PRKN: variants seen among roughly 807,000 people sequenced by gnomAD.
PRKN encodes the protein E3 ubiquitin-protein ligase parkin.
PRKN carries 56 observed loss-of-function variants against 59.5 expected under a neutral mutation model. That is an observed-to-expected ratio of 0.94 (90% confidence interval 0.76 to 1.18). The LOEUF (loss-of-function observed/expected upper bound fraction) is 1.18, where lower values mean the gene tolerates loss of function less well. PRKN is among the 50% of genes most tolerant of loss of function. PRKN has a pLI of 0.00. For missense variants in PRKN, 657 were observed against 596.4 expected, an observed-to-expected ratio of 1.10 and a Z score of -1.06; for synonymous variants, 250 against 222.1, an observed-to-expected ratio of 1.13 and a Z score of -1.12.
In PRKN at chr6:162,235,930, G is replaced by C. The variant is rs796781539; in HGVS notation, c.412+26595C>G. On this transcript the variant is annotated intron_variant, in intron 3 of 11. Coordinates refer to ENST00000366898, the MANE Select transcript of PRKN (RefSeq NM_004562.3). Reference sequence around the variant, plus strand: ...GGAAGGAAGGAAGGAAGGAAGGAAGGAAGGAAGGAAGGAAGGAAGGAAGAA... The same window carrying C: ...GGAAGGAAGGAAGGAAGGAAGGAAGCAAGGAAGGAAGGAAGGAAGGAAGAA... 5.1e-3 allele frequency among the ~76,000 whole-genome samples: 389 copies of C among 76,912 alleles called. 10 individuals are homozygous for C. The highest frequency in any genetic ancestry group is 0.016 in the South Asian group (22 of 1,402). The allele number at this position is 76,912 out of a possible 152,430, so 50.5% of individuals were successfully genotyped here. A position where few individuals can be genotyped will look rare whatever the true frequency, so the allele number is the denominator to read the frequency against.
chr6:161,416,871 C>T (rs908744494), intron 9 of PRKN, among the ~76,000 whole-genome samples: 6 of 152,158 alleles, frequency 3.9e-5, no homozygotes, highest in African/African-American at 1.4e-4. Context: ...TCTAGACGTC[C>T]AGCAGATGCT....
At chr6:162,342,986 T>C (rs1199476135) in intron 2 of PRKN, among the ~76,000 whole-genome samples, 1 of 152,072 alleles carries the variant, frequency 6.6e-6, no homozygotes, top group East Asian at 1.9e-4. Context: ...AAAAAAAGTA[T>C]CCATGAAAGC....
chr6:162,359,914 C>T (rs541505963), intron 2 of PRKN, among the ~76,000 whole-genome samples: 20 of 152,140 alleles, frequency 1.3e-4, no homozygotes, highest in Admixed American at 6.6e-4. Context: ...CATTTTTATC[C>T]GAAAATCTTT....
intron 2 of PRKN, among the ~76,000 whole-genome samples, chr6:162,343,721 GC>G (rs753599068): frequency 1.3e-5 from 2 of 152,102 alleles, no homozygotes; most frequent in Non-Finnish European, 2.9e-5. Context: ...ATGTGTGCAA[GC>G]ATGCTCACAA....
chr6:161,352,772 T>TA lies in PRKN; in HGVS notation c.1286-2562_1286-2561insT, dbSNP rs71004042. On this transcript the variant is annotated intron_variant, in intron 11 of 11. Transcript: ENST00000366898. This position sits in a 1 kb window ranked among gnomAD's most constrained non-coding sequence, Gnocchi z 5.8. ...GTGTGTGTGTATATATATATATATA[T>TA]TTTATTTTATTTTATTTTATTTTTT... 1.2e-4 allele frequency among the ~76,000 whole-genome samples: 12 copies of TA among 100,384 alleles called. No individual in the cohort carries two copies. Among genetic ancestry groups the TA allele is most frequent in the African/African-American group, 4.0e-4 (10 of 24,978 alleles). 65.9% of individuals were successfully genotyped at this position (100,384 alleles called of 152,430 possible). A position where few individuals can be genotyped will look rare whatever the true frequency, so the allele number is the denominator to read the frequency against.
chr6:161,567,320 T>C (rs369569991), intron 8 of PRKN, among the ~76,000 whole-genome samples: 97 of 152,306 alleles, frequency 6.4e-4, no homozygotes, highest in African/African-American at 2.2e-3. Context: ...AGTGTTATCA[T>C]TACAGGTGTG....
At chr6:162,221,975 A>G (rs1312547709) in intron 3 of PRKN, among the ~76,000 whole-genome samples, 1 of 152,220 alleles carries the variant, frequency 6.6e-6, no homozygotes, top group Non-Finnish European at 1.5e-5. Context: ...ACTTTCTAAG[A>G]TGACGTACCA....
chr6:161,538,722 C>T lies in PRKN; in HGVS notation c.1083+10132G>A, dbSNP rs1368349933. On this transcript the variant is annotated intron_variant, in intron 9 of 11. Transcript: ENST00000366898. The surrounding 1 kb of genome is among the most constrained non-coding windows in gnomAD (Gnocchi z 4.2). ...ACATCTGTTGCAGATCCTTGGAGAC[C>T]AGTGCCCATGGGACTGGCTGGTCTT... Among the ~76,000 whole-genome samples the T allele has an allele frequency of 6.6e-6, 1 of 152,166 alleles. No individual in the cohort carries two copies. The highest frequency in any genetic ancestry group is 1.5e-5 in the Non-Finnish European group (1 of 68,036).
chr6:162,679,042 C>G (rs933850601), intron 1 of PRKN, among the ~76,000 whole-genome samples: 3 of 151,470 alleles, frequency 2.0e-5, no homozygotes, highest in African/African-American at 7.3e-5. Flanking sequence ...TCCCAAAGTG[C>G]GGGATTACAG....
At position 161,525,781 on chromosome 6, in the gene PRKN, A is replaced by G. The variant is rs558774414; in HGVS notation, c.1083+23073T>C. ...TAATCTGGAAATAGGTGTTCTAATTATAGATGCTAAAAATGTTCTGTATAC... is the reference window on the plus strand; with the variant it reads ...TAATCTGGAAATAGGTGTTCTAATTGTAGATGCTAAAAATGTTCTGTATAC... On this transcript the variant is annotated intron_variant, in intron 9 of 11. Coordinates refer to ENST00000366898, the MANE Select transcript of PRKN (RefSeq NM_004562.3). The surrounding 1 kb of genome is among the most constrained non-coding windows in gnomAD (Gnocchi z 4.7). Among the ~76,000 whole-genome samples the G allele has an allele frequency of 7.2e-5, 11 of 152,358 alleles. No homozygotes were observed. In the South Asian group the frequency reaches 1.4e-3, roughly 20 times the overall value.
At chr6:161,944,056 G>C (rs149268598) in intron 6 of PRKN, among the ~76,000 whole-genome samples, 20 of 117,394 alleles carry the variant, frequency 1.7e-4, no homozygotes, top group African/African-American at 4.6e-4. Flanking sequence ...CAGCCTGAGG[G>C]ATCAGCCTGA....
intron 5 of PRKN, among the ~76,000 whole-genome samples, chr6:162,021,603 A>T (rs919389748): frequency 3.3e-5 from 5 of 152,026 alleles, no homozygotes; most frequent in African/African-American, 1.2e-4. Flanking sequence ...CGAAGTTTCT[A>T]GGATATTACT....
At chr6:162,387,025 C>T (rs922732169) in intron 2 of PRKN, among the ~76,000 whole-genome samples, 2 of 151,880 alleles carry the variant, frequency 1.3e-5, no homozygotes, top group South Asian at 2.1e-4. Flanking sequence ...ATTAAAAAGT[C>T]GACTTGAGCA....
At chr6:161,485,076 T>C (rs1791588671) in intron 9 of PRKN, among the ~76,000 whole-genome samples, 1 of 152,236 alleles carries the variant, frequency 6.6e-6, no homozygotes, top group Middle Eastern at 3.2e-3. Context: ...TGAGAATCAA[T>C]ATGCATAGGC....
intron 9 of PRKN, among the ~76,000 whole-genome samples, chr6:161,493,932 CAGACA>C (rs1183851758): frequency 2.0e-5 from 3 of 152,150 alleles, no homozygotes; most frequent in Non-Finnish European, 4.4e-5. Context: ...TATCTCCGCA[CAGACA>C]AGACAAGAGC....
rs1365679371 is a variant in PRKN at position 161,429,397 on chromosome 6, C to T, written c.1084-42520G>A. Among the ~76,000 whole-genome samples, 3 of 152,046 alleles carry T rather than the reference C, an allele frequency of 2.0e-5. No homozygotes were observed. Among genetic ancestry groups the T allele is most frequent in the Non-Finnish European group, 4.4e-5 (3 of 68,022 alleles). The stretch of plus-strand genomic sequence containing the variant: ...CAGCAGTGCCCTAAGTGCTATTGCT[C>T]TATGTGTGGGAAAACAGGCAACCTG... On this transcript the variant is annotated intron_variant, in intron 9 of 11. Transcript: ENST00000366898. The surrounding 1 kb of genome is among the most constrained non-coding windows in gnomAD (Gnocchi z 4.2).
chr6:161,963,115 C>G (rs1780446066), intron 6 of PRKN, among the ~76,000 whole-genome samples: 1 of 152,116 alleles, frequency 6.6e-6, no homozygotes, highest in Non-Finnish European at 1.5e-5. Flanking sequence ...TGCACCCCAG[C>G]CTGGGTGACA....
At chr6:162,275,717 A>T (rs888650828) in intron 2 of PRKN, among the ~76,000 whole-genome samples, 2 of 151,680 alleles carry the variant, frequency 1.3e-5, no homozygotes, top group African/African-American at 4.8e-5. Context: ...CCTGGGAAGC[A>T]GAGGTTGCAG....
chr6:162,563,343 A>C (rs772166115), intron 1 of PRKN, among the ~76,000 whole-genome samples: 2 of 152,080 alleles, frequency 1.3e-5, no homozygotes. Flanking sequence ...AAAAAAGAGA[A>C]AGCAAGAGAA....
Sources: allele counts gnomAD v4.1 joint callset (sites outside exome capture counted in the v4.1 genomes callset), GRCh38; gene constraint gnomAD v4.1.1; non-coding constraint Gnocchi (gnomAD v3.1); transcripts MANE v1.5; gene names NCBI Gene and HGNC (gene_info 2026-07-23, HGNC 2026-07-21).